PRDM2: variants seen among roughly 807,000 people sequenced by gnomAD.
PRDM2 encodes PR domain zinc finger protein 2.
A neutral mutation model predicts 130.0 loss-of-function variants in PRDM2; 30 were observed. The observed-to-expected ratio is 0.23, with a 90% CI of 0.17 to 0.31. The LOEUF is 0.31. Ranked by LOEUF, PRDM2 falls within the 10% of genes least tolerant of loss-of-function variation. The pLI is 1.00. For synonymous variants in PRDM2, 871 were observed against 782.4 expected, an observed-to-expected ratio of 1.11 and a Z score of -1.89; for missense variants, 2,011 against 2,108.4, an observed-to-expected ratio of 0.95 and a Z score of 0.90.
At chr1:13,752,960 G>A (rs1489374489) in intron 6 of PRDM2, among the ~76,000 whole-genome samples, 1 of 152,202 alleles carries the variant, frequency 6.6e-6, no homozygotes, top group Non-Finnish European at 1.5e-5. Flanking sequence ...CTTGGGAACT[G>A]TAAGTACCAC....
At chr1:13,795,272 T>C (rs1644905827) in intron 8 of PRDM2, among the ~76,000 whole-genome samples, 2 of 152,224 alleles carry the variant, frequency 1.3e-5, no homozygotes, top group African/African-American at 4.8e-5. Flanking sequence ...ATAAAGGGCT[T>C]TCCATGTATT....
intron 6 of PRDM2, among the ~76,000 whole-genome samples, chr1:13,755,113 G>A (rs1383576394): frequency 6.6e-6 from 1 of 152,148 alleles, no homozygotes; most frequent in East Asian, 1.9e-4. Context: ...AACAGTAGGA[G>A]TTCGGGAATT....
chr1:13,728,304 A>G (rs1309053454), intron 2 of PRDM2, among the ~76,000 whole-genome samples: 1 of 152,260 alleles, frequency 6.6e-6, no homozygotes, highest in Non-Finnish European at 1.5e-5. Flanking sequence ...GGCACACAGT[A>G]AACACACAGC....
At chr1:13,800,686 A>G (rs564304544) in intron 8 of PRDM2, among the ~76,000 whole-genome samples, 2 of 152,198 alleles carry the variant, frequency 1.3e-5, no homozygotes, top group Non-Finnish European at 2.9e-5. Flanking sequence ...AAAAAGGTTG[A>G]TGAACACACA....
At chr1:13,703,652 A>G (rs529644153) in intron 1 of PRDM2, among the ~76,000 whole-genome samples, 2 of 152,258 alleles carry the variant, frequency 1.3e-5, no homozygotes. Context: ...ATGACGTGGA[A>G]TCAGCATTCT....
At chr1:13,744,644 T>G (rs1250221880) in intron 5 of PRDM2, among the ~76,000 whole-genome samples, 1 of 152,152 alleles carries the variant, frequency 6.6e-6, no homozygotes, top group Non-Finnish European at 1.5e-5. Flanking sequence ...CAAGCCAATA[T>G]ATATATATAT....
intron 4 of PRDM2, among the ~76,000 whole-genome samples, chr1:13,740,815 C>G (rs1643414775): frequency 6.6e-6 from 1 of 152,146 alleles, no homozygotes; most frequent in Admixed American, 6.5e-5. Flanking sequence ...GGATGCTGCC[C>G]CTTGGCAATC....
At chr1:13,765,624 G>A (rs1345028700) in intron 6 of PRDM2, among the ~76,000 whole-genome samples, 8 of 151,984 alleles carry the variant, frequency 5.3e-5, no homozygotes, top group Non-Finnish European at 1.0e-4. Flanking sequence ...GTGGTACCGC[G>A]CCTGGCTAAT....
intron 1 of PRDM2, among the ~76,000 whole-genome samples, chr1:13,710,090 A>T (rs1312052555): frequency 6.6e-6 from 1 of 152,206 alleles, no homozygotes; most frequent in Admixed American, 6.5e-5. Context: ...TGCCTTTCAT[A>T]TAGATTTGTA....
At chr1:13,818,791 G>A (rs1424322960) in intron 9 of PRDM2, among the ~76,000 whole-genome samples, 1 of 152,138 alleles carries the variant, frequency 6.6e-6, no homozygotes, top group African/African-American at 2.4e-5. Flanking sequence ...CAGAGAGTCT[G>A]TGGTCTGCTG....
Position 13,765,496 on chromosome 1 carries a change from C to T in PRDM2, c.512-7582C>T, listed in dbSNP as rs548275924. Among the ~76,000 whole-genome samples, 11 of 151,902 alleles carry T rather than the reference C, an allele frequency of 7.2e-5. No homozygotes were observed. In the South Asian group the frequency reaches 1.7e-3, roughly 23 times the overall value. On this transcript the variant is annotated intron_variant, in intron 6 of 9. Transcript: ENST00000311066. The stretch of plus-strand genomic sequence containing the variant: ...TGTTTTTTTTTTTGAGATGGAGTCT[C>T]GCTCTGTCACCCAGGCTGGAGTGCA...
chr1:13,729,474 G>T (rs1643029802), intron 2 of PRDM2, among the ~76,000 whole-genome samples: 1 of 152,112 alleles, frequency 6.6e-6, no homozygotes, highest in Admixed American at 6.5e-5. Flanking sequence ...TGTAGCTTAG[G>T]ATGCCAATGC....
intron 6 of PRDM2, chr1:13,772,338 C>A (rs1422005487): frequency 6.6e-6 from 1 of 152,242 alleles, no homozygotes; most frequent in Non-Finnish European, 1.5e-5. Flanking sequence ...GACTTTAGTT[C>A]CGTTGTTCCA....
At chr1:13,770,551 A>G (rs1644337568) in intron 6 of PRDM2, among the ~76,000 whole-genome samples, 2 of 152,202 alleles carry the variant, frequency 1.3e-5, no homozygotes, top group Admixed American at 6.5e-5. Flanking sequence ...CTGTATTACA[A>G]GAAATTGACA....
intron 1 of PRDM2, among the ~76,000 whole-genome samples, chr1:13,713,625 T>TAC (rs1642439818): frequency 6.6e-6 from 1 of 152,224 alleles, no homozygotes; most frequent in Non-Finnish European, 1.5e-5. Context: ...ATTTGCATTT[T>TAC]ACCGCAGATG....
intron 8 of PRDM2, among the ~76,000 whole-genome samples, chr1:13,790,683 G>GT (rs1644825228): frequency 6.6e-6 from 1 of 152,206 alleles, no homozygotes; most frequent in South Asian, 2.1e-4. Context: ...CAAAATAGAA[G>GT]TTGAATACGG....
At chr1:13,762,888 G>A (rs1644135428) in intron 6 of PRDM2, among the ~76,000 whole-genome samples, 1 of 152,214 alleles carries the variant, frequency 6.6e-6, no homozygotes, top group Non-Finnish European at 1.5e-5. Flanking sequence ...CAGGCAGGAG[G>A]TGGCTGGGGC....
At chr1:13,798,570 TACAC>T (rs1644958128) in intron 8 of PRDM2, among the ~76,000 whole-genome samples, 1 of 152,204 alleles carries the variant, frequency 6.6e-6, no homozygotes, top group African/African-American at 2.4e-5. Flanking sequence ...TCTACACTGG[TACAC>T]ACACCAAAGA....
intron 8 of PRDM2, among the ~76,000 whole-genome samples, chr1:13,812,521 G>C (rs1249385853): frequency 2.0e-5 from 3 of 152,182 alleles, no homozygotes; most frequent in African/African-American, 7.2e-5. Flanking sequence ...AGAGTGACAA[G>C]AGTCCAGTGT....
Sources: gnomAD v4.1 joint callset for allele counts (sites outside exome capture counted in the v4.1 genomes callset) on GRCh38, gnomAD v4.1.1 for gene constraint, MANE v1.5 for transcripts, NCBI Gene and HGNC (gene_info 2026-07-23, HGNC 2026-07-21) for gene names.